Variants in NEK5 observed in about 807,000 individuals in gnomAD.
NEK5 encodes serine/threonine-protein kinase Nek5.
NEK5 carries 88 observed loss-of-function variants against 109.2 expected under a neutral mutation model. The ratio of observed to expected loss-of-function variants is 0.81; its 90% confidence interval spans 0.68 to 0.96. The LOEUF (loss-of-function observed/expected upper bound fraction) is 0.96, where lower values mean the gene tolerates loss of function less well. Among genes scored for constraint, NEK5 ranks in the 40% least tolerant of loss-of-function variants. The pLI is 0.00. For synonymous variants in NEK5, 283 were observed against 299.9 expected, an observed-to-expected ratio of 0.94 and a Z score of 0.58; for missense variants, 834 against 920.7, an observed-to-expected ratio of 0.91 and a Z score of 1.22.
rs370370355 is a variant in NEK5 at position 52,114,185 on chromosome 13, A to C, written c.215-1820T>G. Among the ~76,000 whole-genome samples the C allele has an allele frequency of 2.0e-5, 3 of 152,236 alleles. No individual in the cohort carries two copies. The East Asian group carries it at 5.8e-4, about 29-fold the overall frequency. ...ATTCTTTTGTACCTAAACAGTAGTTAGCACATCAAAGGGGCTTAAATGTTT... is the reference window on the plus strand; with the variant it reads ...ATTCTTTTGTACCTAAACAGTAGTTCGCACATCAAAGGGGCTTAAATGTTT... On this transcript the variant is annotated intron_variant, in intron 4 of 23. Coordinates refer to ENST00000684899, the MANE Select transcript of NEK5 (RefSeq NM_001365552.1).
intron 22 of NEK5, among the ~76,000 whole-genome samples, chr13:52,057,981 G>C (rs1954576937): frequency 6.6e-6 from 1 of 152,072 alleles, no homozygotes; most frequent in Admixed American, 6.6e-5. Flanking sequence ...CAAATAAAGA[G>C]TATTCAATTA....
intron 21 of NEK5, among the ~76,000 whole-genome samples, chr13:52,063,008 A>AT (rs965497945): frequency 3.3e-5 from 5 of 152,014 alleles, no homozygotes; most frequent in African/African-American, 1.2e-4. Flanking sequence ...ATAACATACT[A>AT]TTAAGAATGA....
chr13:52,064,370 C>T (rs12876712), intron 21 of NEK5, among the ~76,000 whole-genome samples: 4 of 140,522 alleles, frequency 2.8e-5, no homozygotes, highest in Non-Finnish European at 4.7e-5. Context: ...TCAGCCCCCC[C>T]GCCCGGCCAG....
chr13:52,038,082 C>A (rs1954379684), intron 23 of NEK5, among the ~76,000 whole-genome samples: 1 of 152,150 alleles, frequency 6.6e-6, no homozygotes, highest in African/African-American at 2.4e-5. Flanking sequence ...AGTAACTGCA[C>A]CAACCTAATA....
At chr13:52,127,198 A>C (rs934811277) in intron 3 of NEK5, among the ~76,000 whole-genome samples, 168 bp downstream of exon 3, 1 of 152,212 alleles carries the variant, frequency 6.6e-6, no homozygotes, top group African/African-American at 2.4e-5. Flanking sequence ...TTTAAAAATG[A>C]GATCATTGGT....
At position 52,083,283 on chromosome 13, in the gene NEK5, A is replaced by G; in HGVS notation, c.1549T>C (p.Ser517Pro). The change falls in exon 17 of 24, where the codon TCT becomes CCT. Residue 517 changes from serine (S) to proline (P), a missense_variant. Physicochemically the swap from Ser to Pro is moderately conservative, Grantham distance 74 (BLOSUM62 -1). Around this residue, in one of 2 missense-constraint regions of NEK5, gnomAD observed 777 missense variants for 824.7 expected, o/e 0.94. Transcript: ENST00000684899. ...ACCTGCACAGGTGCTTCTCCCTCAG[A>G]TGCATCTTGATGGACAGGCAGGTTA... is the stretch of plus-strand genomic sequence containing the variant. ...KSNLPVHQDA[S>P]EGEAPVQDIE... is the part of the protein sequence containing the mutation. 2.5e-6 allele frequency: 4 copies of G among 1,612,408 alleles called. No homozygotes were observed. The highest frequency in any genetic ancestry group is 1.7e-5 in the Admixed American group (1 of 60,026).
intron 17 of NEK5, among the ~76,000 whole-genome samples, chr13:52,079,985 G>A (rs1188575710): frequency 7.3e-6 from 1 of 137,284 alleles, no homozygotes; most frequent in African/African-American, 2.5e-5. Flanking sequence ...GTCTCTGCCC[G>A]GCCGCCCCAT....
chr13:52,112,175 A>G, intron 5 of NEK5, 93 bp downstream of exon 5: 1 of 589,380 alleles, frequency 1.7e-6, no homozygotes, highest in Non-Finnish European at 3.0e-6. Context: ...CACATGCTTT[A>G]TATCAACATA....
At chr13:52,071,074 C>T (rs1274174169) in intron 20 of NEK5, among the ~76,000 whole-genome samples, 2 of 152,200 alleles carry the variant, frequency 1.3e-5, no homozygotes, top group African/African-American at 2.4e-5. Flanking sequence ...TGAGAGATGA[C>T]AGAGCCCTAA....
At chr13:52,081,000 A>AT (rs1955001729) in intron 17 of NEK5, among the ~76,000 whole-genome samples, 1 of 150,086 alleles carries the variant, frequency 6.7e-6, no homozygotes, top group South Asian at 2.1e-4. Context: ...AAAAAAAAAA[A>AT]GGTAATCTGA....
At chr13:52,054,173 T>C (rs1015314214) in intron 22 of NEK5, among the ~76,000 whole-genome samples, 14 of 152,204 alleles carry the variant, frequency 9.2e-5, no homozygotes, top group African/African-American at 3.4e-4. Flanking sequence ...CCTTAGGGCT[T>C]TTGCTTTGGT....
At chr13:52,099,309 G>T (rs1566795876) in intron 12 of NEK5, among the ~76,000 whole-genome samples, 1 of 152,134 alleles carries the variant, frequency 6.6e-6, no homozygotes, top group Non-Finnish European at 1.5e-5. Context: ...GAGGCAGGCT[G>T]ATCGCAAGGT....
rs565058755 is a variant in NEK5 at position 52,086,446 on chromosome 13, A to C, written c.1393-83T>G. On this transcript the variant is annotated intron_variant, in intron 15 of 23. Coordinates refer to ENST00000684899, the MANE Select transcript of NEK5 (RefSeq NM_001365552.1). Reference sequence around the variant, plus strand: ...AATCTTTCTGCAGCCTACAATTTCAAAAGTGTGTAATATAAAATAAGGTTA... The same window carrying C: ...AATCTTTCTGCAGCCTACAATTTCACAAGTGTGTAATATAAAATAAGGTTA... 14 of 849,482 alleles carry C rather than the reference A, an allele frequency of 1.6e-5. No individual in the cohort carries two copies. In the East Asian group the frequency reaches 2.7e-4, roughly 16 times the overall value. 52.6% of individuals were successfully genotyped at this position (849,482 alleles called of 1,614,324 possible). A position where few individuals can be genotyped will look rare whatever the true frequency, so the allele number is the denominator to read the frequency against.
chr13:52,044,214 C>T (rs1954438152), intron 23 of NEK5, among the ~76,000 whole-genome samples: 1 of 152,186 alleles, frequency 6.6e-6, no homozygotes, highest in Non-Finnish European at 1.5e-5. Context: ...TCTCCTCTCT[C>T]CTCAGCCTGC....
At chr13:52,090,890 G>A (rs550205083) in intron 13 of NEK5, among the ~76,000 whole-genome samples, 4 of 152,250 alleles carry the variant, frequency 2.6e-5, no homozygotes, top group South Asian at 2.1e-4. Context: ...ACCAGGTGTC[G>A]TGGCAGGCGC....
rs747513114 is a variant in NEK5 at position 52,083,289 on chromosome 13, C to T, written c.1543G>A (p.Asp515Asn). The T allele has an allele frequency of 3.4e-5, 55 of 1,613,168 alleles. No individual in the cohort carries two copies. The East Asian group carries it at 1.2e-3, about 35-fold the overall frequency. ...VKKSNLPVHQ[D>N]ASEGEAPVQD... Reference sequence around the variant, plus strand: ...ACAGGTGCTTCTCCCTCAGATGCATCTTGATGGACAGGCAGGTTACTCTTC... The same window carrying T: ...ACAGGTGCTTCTCCCTCAGATGCATTTTGATGGACAGGCAGGTTACTCTTC... The change falls in exon 17 of 24, where the codon GAT (aspartate) becomes AAT (asparagine). Residue 515 changes from aspartate to asparagine, a missense_variant. Coordinates refer to ENST00000684899, the MANE Select transcript of NEK5 (RefSeq NM_001365552.1).
intron 23 of NEK5, among the ~76,000 whole-genome samples, chr13:52,038,604 G>GT (rs1954386325): frequency 6.6e-6 from 1 of 151,994 alleles, no homozygotes; most frequent in South Asian, 2.1e-4. Context: ...CTATGCCCAG[G>GT]TTTTTTATTT....
rs751426344 is a variant in NEK5, at chr13:52,083,363, A to G, written c.1480-11T>C. On this transcript the variant is annotated splice_polypyrimidine_tract_variant and intron_variant, in intron 16 of 23. Coordinates refer to ENST00000684899, the MANE Select transcript of NEK5 (RefSeq NM_001365552.1). ...TATTTTTGAGTTCTCCTTTAACACAAATTATACACAGTCAACAAGATTGGT... is the reference window on the plus strand; with the variant it reads ...TATTTTTGAGTTCTCCTTTAACACAGATTATACACAGTCAACAAGATTGGT... 5 of 1,521,290 alleles carry G rather than the reference A, an allele frequency of 3.3e-6. No individual in the cohort carries two copies. Among genetic ancestry groups the G allele is most frequent in the Admixed American group, 3.3e-5 (2 of 59,868 alleles). 94.2% of individuals were successfully genotyped at this position (1,521,290 alleles called of 1,614,324 possible). A position where few individuals can be genotyped will look rare whatever the true frequency, so the allele number is the denominator to read the frequency against.
At chr13:52,085,678 G>C (rs938763283) in intron 16 of NEK5, among the ~76,000 whole-genome samples, 18 of 152,164 alleles carry the variant, frequency 1.2e-4, no homozygotes, top group African/African-American at 4.1e-4. Context: ...CTTACAACAT[G>C]GTTTCCAAAC....
Sources: gnomAD v4.1 joint callset for allele counts (sites outside exome capture counted in the v4.1 genomes callset) on GRCh38, gnomAD v4.1.1 for gene constraint, gnomAD v4.1.1 regional missense constraint, MANE v1.5 for transcripts, NCBI Gene and HGNC (gene_info 2026-07-23, HGNC 2026-07-21) for gene names.